RYR2: variants seen among roughly 807,000 people sequenced by gnomAD.
RYR2 encodes the protein cardiac muscle ryanodine receptor-calcium release channel.
RYR2 carries 227 observed loss-of-function variants against 601.1 expected under a neutral mutation model. The ratio of observed to expected loss-of-function variants is 0.38; its 90% CI spans 0.34 to 0.42. The LOEUF is 0.42. RYR2 is among the 10% of genes least tolerant of loss of function. RYR2 has a pLI of 1.00. For missense variants in RYR2, 4,646 were observed against 6,156.5 expected, an observed-to-expected ratio of 0.75 and a Z score of 8.21; for synonymous variants, 2,223 against 2,175.1, an observed-to-expected ratio of 1.02 and a Z score of -0.61.
At chr1:237,790,197 C>T (rs1558420400) in intron 92 of RYR2, among the ~76,000 whole-genome samples, 1 of 152,096 alleles carries the variant, frequency 6.6e-6, no homozygotes, top group Non-Finnish European at 1.5e-5. Context: ...TTTTCCCAGC[C>T]CAATAAATTG....
intron 31 of RYR2, among the ~76,000 whole-genome samples, 198 bp downstream of exon 31, chr1:237,591,190 TCCC>T (rs1457851190): frequency 4.2e-5 from 1 of 23,558 alleles, no homozygotes; most frequent in East Asian, 4.0e-3. Context: ...CTTCTCCTCC[TCCC>T]CCTTCTCCTC....
At chr1:237,336,720 G>A (rs957430290) in intron 3 of RYR2, among the ~76,000 whole-genome samples, 1 of 151,994 alleles carries the variant, frequency 6.6e-6, no homozygotes, top group East Asian at 1.9e-4. Context: ...AGCTGGGTGT[G>A]GTGGCGCACA....
intron 12 of RYR2, among the ~76,000 whole-genome samples, chr1:237,435,757 A>T (rs576019440): frequency 6.6e-6 from 1 of 152,354 alleles, no homozygotes; most frequent in Non-Finnish European, 1.5e-5. Flanking sequence ...AGAAATACAT[A>T]TCTAAAGCTA....
chr1:237,619,967 A>C (rs1039222762), intron 38 of RYR2, among the ~76,000 whole-genome samples: 5 of 152,168 alleles, frequency 3.3e-5, no homozygotes, highest in Admixed American at 2.0e-4. Flanking sequence ...GAAGTTCTTT[A>C]AATATAAGGA....
chr1:237,535,610 T>G (rs1668538160), intron 25 of RYR2, among the ~76,000 whole-genome samples: 1 of 152,088 alleles, frequency 6.6e-6, no homozygotes. Context: ...ATGATATGAT[T>G]TTCATATCAA....
rs139569092 is a variant in RYR2 at position 237,135,089 on chromosome 1, T to C, written c.48+92520T>C. 2.5e-3 allele frequency among the ~76,000 whole-genome samples: 381 copies of C among 152,342 alleles called. 2 individuals carry two copies. Among genetic ancestry groups the C allele is most frequent in the African/African-American group, 8.3e-3 (346 of 41,582 alleles). ...AGTAAGCTGTTTGCAACATATTTAG[T>C]ATGCAAGTCCCTGGTGGTAGATGAC... On this transcript the variant is annotated intron_variant, in intron 1 of 104. Transcript: ENST00000366574.
chr1:237,631,834 T>C (rs1356002720), intron 42 of RYR2, among the ~76,000 whole-genome samples: 4 of 149,870 alleles, frequency 2.7e-5, no homozygotes, highest in South Asian at 2.1e-4. Context: ...TTCACTGTGT[T>C]AGCCAGGATG....
intron 1 of RYR2, among the ~76,000 whole-genome samples, chr1:237,133,690 C>G (rs954498519): frequency 6.6e-6 from 1 of 151,866 alleles, no homozygotes; most frequent in African/African-American, 2.4e-5. Context: ...GGCTCACACC[C>G]GCTGACGCGG....
intron 25 of RYR2, among the ~76,000 whole-genome samples, chr1:237,532,150 G>A (rs1269124796): frequency 6.6e-6 from 1 of 151,974 alleles, no homozygotes; most frequent in African/African-American, 2.4e-5. Context: ...GTACACAGGT[G>A]CTCAAAACAA....
At chr1:237,539,704 G>A (rs374587038) in intron 25 of RYR2, among the ~76,000 whole-genome samples, 6 of 152,244 alleles carry the variant, frequency 3.9e-5, no homozygotes, top group African/African-American at 9.6e-5. Context: ...TGGGGCATGG[G>A]GAGGGAGAGC....
At chr1:237,691,459 A>G (rs1047201615) in intron 63 of RYR2, among the ~76,000 whole-genome samples, 22 of 152,184 alleles carry the variant, frequency 1.4e-4, no homozygotes, top group African/African-American at 4.8e-4. Context: ...TATATCTCCA[A>G]ACCTCGCCTG....
Position 237,081,154 on chromosome 1 carries a change from T to G in RYR2, c.48+38585T>G, listed in dbSNP as rs181239807. ...GTGGGGTCGGGGGAGGGGGGAGGGA[T>G]AGCATTGGAAGATATACCTAATGCT... On this transcript the variant is annotated intron_variant, in intron 1 of 104. Transcript: ENST00000366574. Among the ~76,000 whole-genome samples, 27 of 120,928 alleles carry G rather than the reference T, an allele frequency of 2.2e-4. No homozygotes were observed. The East Asian group carries it at 6.8e-3, about 30-fold the overall frequency. 79.3% of individuals were successfully genotyped at this position (120,928 alleles called of 152,430 possible).
rs922364178 is a variant in RYR2, at chr1:237,755,072, C to A, written c.11146-1216C>A. On this transcript the variant is annotated intron_variant, in intron 80 of 104. Transcript: ENST00000366574. ...TTTTGTTTTCGCAGCACGATATTAT[C>A]AAAGATTTAAGAAACAAATTTGCCA... 4 of 1,288,692 alleles carry A rather than the reference C, an allele frequency of 3.1e-6. No homozygotes were observed. The East Asian group carries it at 2.2e-4, about 72-fold the overall frequency. The allele number at this position is 1,288,692 out of a possible 1,614,324, so 79.8% of individuals were successfully genotyped here.
At chr1:237,236,955 G>A (rs75486991) in intron 1 of RYR2, among the ~76,000 whole-genome samples, 3 of 152,262 alleles carry the variant, frequency 2.0e-5, no homozygotes, top group South Asian at 4.1e-4. Flanking sequence ...TGTAATCCCT[G>A]TAATACCCAT....
intron 1 of RYR2, among the ~76,000 whole-genome samples, chr1:237,195,781 G>T (rs924560016): frequency 1.3e-5 from 2 of 152,118 alleles, no homozygotes; most frequent in South Asian, 4.2e-4. Context: ...AGGTAATACT[G>T]CCCACTTCAT....
intron 2 of RYR2, among the ~76,000 whole-genome samples, chr1:237,312,753 A>ATGTC (rs2149494741): frequency 6.6e-6 from 1 of 152,334 alleles, no homozygotes; most frequent in African/African-American, 2.4e-5. Flanking sequence ...TGAAAGTGAA[A>ATGTC]TGTCATGTGG....
chr1:237,238,800 T>C (rs1395983777), intron 1 of RYR2, among the ~76,000 whole-genome samples: 1 of 152,200 alleles, frequency 6.6e-6, no homozygotes, highest in Admixed American at 6.5e-5. Flanking sequence ...GGCTTGACTT[T>C]GTTTTGAATT....
chr1:237,605,991 C>T (rs1677080302), intron 35 of RYR2, among the ~76,000 whole-genome samples: 1 of 151,546 alleles, frequency 6.6e-6, no homozygotes, highest in Non-Finnish European at 1.5e-5. Flanking sequence ...GGCCATACTG[C>T]CCAAGGTAAT....
Position 237,106,673 on chromosome 1 carries a change from T to C in RYR2, c.48+64104T>C, listed in dbSNP as rs1051414691. ...GTGATGTGTATACAGTGTCCCTTTT[T>C]CAGACATGGCACCTTCGTCCATTTG... On this transcript the variant is annotated intron_variant, in intron 1 of 104. Coordinates refer to ENST00000366574, the MANE Select transcript of RYR2 (RefSeq NM_001035.3). The surrounding 1 kb of genome is among the most constrained non-coding windows in gnomAD (Gnocchi z 4.4). 3.9e-5 allele frequency among the ~76,000 whole-genome samples: 6 copies of C among 152,234 alleles called. No homozygotes were observed. The highest frequency in any genetic ancestry group is 3.9e-4 in the Admixed American group (6 of 15,290).
Sources: gnomAD v4.1 joint callset for allele counts (sites outside exome capture counted in the v4.1 genomes callset) on GRCh38, gnomAD v4.1.1 for gene constraint, Gnocchi (gnomAD v3.1) non-coding constraint, MANE v1.5 for transcripts, NCBI Gene and HGNC (gene_info 2026-07-23, HGNC 2026-07-21) for gene names.